The following DDRGK1 variants were observed in gnomAD, a reference collection of about 807,000 sequenced individuals.
DDRGK1 encodes the protein DDRGK domain containing 1, also known as DDRGK domain-containing protein 1.
Under a neutral mutation model 45.8 loss-of-function variants are expected in DDRGK1, and 38 were observed. That is an observed-to-expected ratio of 0.83 (90% CI 0.64 to 1.09). DDRGK1 has a LOEUF of 1.09. Among genes scored for constraint, DDRGK1 ranks in the 50% least tolerant of loss-of-function variants. DDRGK1 has a pLI of 0.00. For synonymous variants in DDRGK1, 171 were observed against 168.7 expected (o/e 1.01, Z -0.11); for missense variants, 403 against 419.9 (o/e 0.96, Z 0.35).
intron 2 of DDRGK1, 134 bp downstream of exon 2, chr20:3,203,078 CT>C: frequency 3.7e-6 from 3 of 801,640 alleles, no homozygotes; most frequent in Non-Finnish European, 5.7e-6. Context: ...AAGTCCCCCC[CT>C]ACTCTACCGT....
Position 3,203,309 on chromosome 20 carries a change from G to T in DDRGK1, c.199C>A (p.Arg67=). 6.2e-7 allele frequency: 1 copy of T among 1,608,134 alleles called. No individual in the cohort carries two copies. The highest frequency in any genetic ancestry group is 1.3e-5 in the African/African-American group (1 of 74,932). ...EPRAGGRPRR[R]RDLGSRLQAQ... is the part of the protein sequence containing the mutation. Reference sequence around the variant, plus strand: ...TGTAGGCGGCTGCCCAGGTCCCTCCGGCGCCGAGGCCTGCCTCCAGCTCTC... The same window carrying T: ...TGTAGGCGGCTGCCCAGGTCCCTCCTGCGCCGAGGCCTGCCTCCAGCTCTC... The change falls in exon 2 of 9, where the codon CGG becomes AGG. Residue 67 remains arginine (R), a synonymous_variant. Transcript: ENST00000354488.
intron 7 of DDRGK1, chr20:3,191,483 G>A (rs1300774576): frequency 6.0e-6 from 4 of 667,052 alleles, no homozygotes; most frequent in Non-Finnish European, 1.1e-5. Context: ...AACACAGGCT[G>A]GTGCAGTCTG....
Position 3,204,634 on chromosome 20 carries a change from G to A in DDRGK1, c.-7C>T, listed in dbSNP as rs377186783. Reference sequence around the variant, plus strand: ...ACCACACAGGCGCCACCATGACGAGGGCCTCAGTGCAGAACCACTGCGTCC... The same window carrying A: ...ACCACACAGGCGCCACCATGACGAGAGCCTCAGTGCAGAACCACTGCGTCC... On this transcript the variant is annotated 5_prime_UTR_variant, in exon 1 of 9. Transcript: ENST00000354488. The A allele has an allele frequency of 1.7e-5, 27 of 1,575,756 alleles. No individual in the cohort carries two copies. The African/African-American group carries it at 3.0e-4, about 17-fold the overall frequency.
chr20:3,195,021 C>T (rs750340798), intron 5 of DDRGK1, among the ~76,000 whole-genome samples, 153 bp from the exon 6 acceptor site: 6 of 152,222 alleles, frequency 3.9e-5, no homozygotes, highest in African/African-American at 1.2e-4. Flanking sequence ...CTTGCCTACA[C>T]AAGCAGCAGA....
chr20:3,198,312 G>C (rs537628911), intron 4 of DDRGK1, among the ~76,000 whole-genome samples: 23 of 149,744 alleles, frequency 1.5e-4, no homozygotes, highest in African/African-American at 5.7e-4. Flanking sequence ...AATGAGGCAG[G>C]AGAGTCACTT....
intron 4 of DDRGK1, 132 bp downstream of exon 4, chr20:3,199,869 A>G: frequency 1.3e-6 from 1 of 799,126 alleles, no homozygotes; most frequent in Admixed American, 3.4e-5. Context: ...CTAGGGACCA[A>G]ATAAACCAGG....
chr20:3,196,410 G>C (rs539057580), intron 4 of DDRGK1, among the ~76,000 whole-genome samples: 21 of 152,286 alleles, frequency 1.4e-4, no homozygotes, highest in Non-Finnish European at 2.5e-4. Flanking sequence ...GGGCGTGGTG[G>C]CTCACGCCTG....
At chr20:3,202,002 C>T (rs1463126957) in intron 2 of DDRGK1, among the ~76,000 whole-genome samples, 10 of 143,936 alleles carry the variant, frequency 6.9e-5, no homozygotes, top group African/African-American at 2.3e-4. Flanking sequence ...TTTTTGGAGA[C>T]GGAGTCTCGC....
In DDRGK1 at chr20:3,200,047, T is replaced by A. The variant is rs1311281261; in HGVS notation, c.464A>T (p.Glu155Val). 6 of 1,613,894 alleles carry A rather than the reference T, an allele frequency of 3.7e-6. No homozygotes were observed. The South Asian group carries it at 6.6e-5, about 18-fold the overall frequency. Residue 155 changes from glutamate (E) to valine (V), a missense_variant, in exon 4 of 9, where the codon GAG becomes GTG. Physicochemically the swap from Glu to Val is moderately radical, Grantham distance 121 (BLOSUM62 -2). Coordinates refer to ENST00000354488, the MANE Select transcript of DDRGK1 (RefSeq NM_023935.3). ...AAGCCGCTCCTCCTCCTTCTTCCAC[T>A]CAGCTTCGCGCTGGGACTCGAGTCG... Reference protein sequence around the residue: ...RKRLESQREAEWKKEEERLRL... With the variant: ...RKRLESQREAVWKKEEERLRL...
Position 3,197,426 on chromosome 20 carries a change from T to C in DDRGK1, c.511-2073A>G, listed in dbSNP as rs537710206. Among the ~76,000 whole-genome samples the C allele has an allele frequency of 5.3e-5, 8 of 152,260 alleles. No homozygotes were observed. The South Asian group carries it at 1.7e-3, about 32-fold the overall frequency. On this transcript the variant is annotated intron_variant, in intron 4 of 8. Coordinates refer to ENST00000354488, the MANE Select transcript of DDRGK1 (RefSeq NM_023935.3). ...ACAGTCACATTACAGTGGAGAAAGC[T>C]GGCAAACAAAACCGCAGCCAGGCGA...
chr20:3,195,141 G>C (rs2067004556), intron 5 of DDRGK1, 90 bp downstream of exon 5: 1 of 1,597,914 alleles, frequency 6.3e-7, no homozygotes, highest in East Asian at 2.2e-5. Flanking sequence ...GCCTGGCCAG[G>C]GGCGTCTGGG....
rs1330071210 is a variant in DDRGK1, at chr20:3,201,481, A to C, written c.296-1027T>G. Among the ~76,000 whole-genome samples the C allele has an allele frequency of 4.8e-3, 722 of 149,558 alleles. 6 individuals are homozygous for C. The highest frequency in any genetic ancestry group is 0.017 in the African/African-American group (686 of 40,934). Reference sequence around the variant, plus strand: ...GTGACAGAGCAAGACTCTGTCTCAAAAAAAAAAAAAAAAAGATGAGAACTT... The same window carrying C: ...GTGACAGAGCAAGACTCTGTCTCAACAAAAAAAAAAAAAAGATGAGAACTT... On this transcript the variant is annotated intron_variant, in intron 2 of 8. Coordinates refer to ENST00000354488, the MANE Select transcript of DDRGK1 (RefSeq NM_023935.3).
intron 1 of DDRGK1, among the ~76,000 whole-genome samples, chr20:3,203,805 C>T (rs2067052863): frequency 6.6e-6 from 1 of 152,206 alleles, no homozygotes; most frequent in African/African-American, 2.4e-5. Context: ...CGGCGGTGGC[C>T]GAGCCTCCCC....
chr20:3,202,807 AATGTCTCT>A (rs984247903), intron 2 of DDRGK1, among the ~76,000 whole-genome samples: 3 of 152,142 alleles, frequency 2.0e-5, no homozygotes, highest in Admixed American at 6.6e-5. Flanking sequence ...GTGTCAACAG[AATGTCTCT>A]ATCTTTAAAC....
In DDRGK1 at chr20:3,200,886, G is replaced by T. The variant is rs187700814; in HGVS notation, c.296-432C>A. Reference sequence around the variant, plus strand: ...AGAACTTTGGGAGGCAAAGGTGGGCGGATCACGAGGTTAGGAGATCGAGAT... The same window carrying T: ...AGAACTTTGGGAGGCAAAGGTGGGCTGATCACGAGGTTAGGAGATCGAGAT... On this transcript the variant is annotated intron_variant, in intron 2 of 8. Coordinates refer to ENST00000354488, the MANE Select transcript of DDRGK1 (RefSeq NM_023935.3). Among the ~76,000 whole-genome samples, 530 of 152,268 alleles carry T rather than the reference G, an allele frequency of 3.5e-3. 3 individuals carry two copies. The highest frequency in any genetic ancestry group is 0.012 in the African/African-American group (497 of 41,546).
intron 4 of DDRGK1, among the ~76,000 whole-genome samples, chr20:3,197,741 C>A (rs1025083744): frequency 6.6e-6 from 1 of 151,284 alleles, no homozygotes; most frequent in Admixed American, 6.6e-5. Context: ...ACCAGCCTGG[C>A]CAATACGGTG....
intron 2 of DDRGK1, among the ~76,000 whole-genome samples, chr20:3,202,812 C>G (rs1014218033): frequency 3.9e-5 from 6 of 152,134 alleles, no homozygotes; most frequent in African/African-American, 1.4e-4. Flanking sequence ...AACAGAATGT[C>G]TCTATCTTTA....
chr20:3,198,192 G>A (rs2067020138), intron 4 of DDRGK1, among the ~76,000 whole-genome samples: 1 of 150,582 alleles, frequency 6.6e-6, no homozygotes, highest in Non-Finnish European at 1.5e-5. Flanking sequence ...AGGATCACAA[G>A]GTCAAGAGAT....
rs11699145 is a variant in DDRGK1 at position 3,204,667 on chromosome 20, G to A, written c.-40C>T. The A allele has an allele frequency of 0.12, 180,490 of 1,541,870 alleles. 11,554 individuals are homozygous for A. Among genetic ancestry groups the A allele is most frequent in the Non-Finnish European group, 0.13 (154,533 of 1,146,556 alleles). On this transcript the variant is annotated 5_prime_UTR_variant, in exon 1 of 9. Transcript: ENST00000354488. ...TGCAGAACCACTGCGTCCACCCTGAGGCCGGGATCTCATAGGCCCCGCCCC... is the reference window on the plus strand; with the variant it reads ...TGCAGAACCACTGCGTCCACCCTGAAGCCGGGATCTCATAGGCCCCGCCCC...
Sources: allele counts gnomAD v4.1 joint callset (sites outside exome capture counted in the v4.1 genomes callset), GRCh38; gene constraint gnomAD v4.1.1; transcripts MANE v1.5; gene names NCBI Gene and HGNC (gene_info 2026-07-23, HGNC 2026-07-21).